MAGI2: variants seen among roughly 807,000 people sequenced by gnomAD.
MAGI2 encodes the protein membrane-associated guanylate kinase, WW and PDZ domain-containing protein 2.
In MAGI2, 35 loss-of-function variants were observed where a neutral mutation model predicts 133.3. The ratio of observed to expected loss-of-function variants is 0.26; its 90% confidence interval spans 0.20 to 0.35. The LOEUF is 0.35. Ranked by LOEUF, MAGI2 falls within the 10% of genes least tolerant of loss-of-function variation. MAGI2 has a pLI of 1.00. For missense variants in MAGI2, 1,636 were observed against 1,863.4 expected, an observed-to-expected ratio of 0.88 and a Z score of 2.25; for synonymous variants, 729 against 710.6, an observed-to-expected ratio of 1.03 and a Z score of -0.41.
At chr7:79,445,808 A>G (rs187106130) in intron 1 of MAGI2, among the ~76,000 whole-genome samples, 1 of 152,334 alleles carries the variant, frequency 6.6e-6, no homozygotes, top group East Asian at 1.9e-4. Context: ...CAGCCATCCA[A>G]TTACTGGGTA....
At chr7:78,722,356 T>A (rs1226087332) in intron 2 of MAGI2, among the ~76,000 whole-genome samples, 1 of 152,012 alleles carries the variant, frequency 6.6e-6, no homozygotes, top group African/African-American at 2.4e-5. Context: ...TAACCCATTA[T>A]TTGTCATATT....
intron 4 of MAGI2, among the ~76,000 whole-genome samples, chr7:78,520,333 G>C (rs1796390957): frequency 6.6e-6 from 1 of 151,996 alleles, no homozygotes; most frequent in Non-Finnish European, 1.5e-5. Context: ...GTTTTTCGCT[G>C]ATAAAAATAA....
At chr7:79,184,622 A>G (rs1826909684) in intron 1 of MAGI2, among the ~76,000 whole-genome samples, 3 of 151,898 alleles carry the variant, frequency 2.0e-5, no homozygotes, top group South Asian at 4.1e-4. Context: ...AACTTTGCAT[A>G]GGAGAAAAGC....
chr7:79,421,269 C>A (rs941804468), intron 1 of MAGI2, among the ~76,000 whole-genome samples: 3 of 150,200 alleles, frequency 2.0e-5, no homozygotes, highest in South Asian at 2.1e-4. Context: ...AGTTAAGTAC[C>A]CAATAAATAT....
chr7:79,391,542 TATATATATATATATATATATAC>T (rs1195050461), intron 1 of MAGI2, among the ~76,000 whole-genome samples: 3,007 of 69,018 alleles, frequency 0.044, 160 homozygotes, highest in African/African-American at 0.21. Flanking sequence ...TATATAGACA[TATATATATATATATATATATAC>T]ACACTTTACT....
chr7:79,377,962 G>C (rs564128082), intron 1 of MAGI2, among the ~76,000 whole-genome samples: 1 of 151,950 alleles, frequency 6.6e-6, no homozygotes, highest in African/African-American at 2.4e-5. Context: ...AAAAAATACA[G>C]TTCATTAAGC....
chr7:78,858,131 T>C (rs1169589888), intron 2 of MAGI2, among the ~76,000 whole-genome samples: 1 of 152,196 alleles, frequency 6.6e-6, no homozygotes, highest in Non-Finnish European at 1.5e-5. Flanking sequence ...ATCTATTTGA[T>C]TCCTCTCCAT....
intron 5 of MAGI2, among the ~76,000 whole-genome samples, chr7:78,495,995 A>G (rs1327161207): frequency 2.0e-5 from 3 of 152,200 alleles, no homozygotes; most frequent in African/African-American, 7.2e-5. Context: ...AGAATGAGAA[A>G]GTATATTTCT....
chr7:78,193,135 A>G (rs1400480018), intron 12 of MAGI2, among the ~76,000 whole-genome samples: 1 of 152,208 alleles, frequency 6.6e-6, no homozygotes, highest in Admixed American at 6.5e-5. Flanking sequence ...TGAGGGCACA[A>G]TGGTATCAGA....
At chr7:78,246,093 T>G (rs699332) in intron 10 of MAGI2, among the ~76,000 whole-genome samples, 33,318 of 152,036 alleles carry the variant, frequency 0.22, 4,683 homozygotes, top group African/African-American at 0.38. Context: ...CTGCATCTTG[T>G]CAATCAGGGC....
chr7:78,862,566 A>G (rs908593401), intron 2 of MAGI2, among the ~76,000 whole-genome samples: 5 of 152,218 alleles, frequency 3.3e-5, no homozygotes, highest in Admixed American at 2.0e-4. Context: ...CATCATTTCC[A>G]TAGCTACAGA....
At chr7:78,657,276 G>A (rs909285069) in intron 2 of MAGI2, among the ~76,000 whole-genome samples, 1 of 152,152 alleles carries the variant, frequency 6.6e-6, no homozygotes, top group Non-Finnish European at 1.5e-5. Flanking sequence ...AGTTTCTAAT[G>A]ATACTAAACG....
chr7:78,471,682 T>C (rs992068583), intron 6 of MAGI2, among the ~76,000 whole-genome samples: 12 of 152,040 alleles, frequency 7.9e-5, no homozygotes, highest in Admixed American at 2.0e-4. Context: ...TCTCAGCCAT[T>C]TGGGAGAACG....
chr7:78,389,625 C>T (rs934652685), intron 6 of MAGI2, among the ~76,000 whole-genome samples: 10 of 152,072 alleles, frequency 6.6e-5, no homozygotes, highest in African/African-American at 1.9e-4. Flanking sequence ...GATATTAATA[C>T]CTTTGTTGTG....
rs71085549 is a variant in MAGI2, at chr7:78,626,826, ATGTGTGTGTGTG to A, written c.538+282_538+293del. Reference sequence around the variant, plus strand: ...AGGAGACAAGCACAAGAATACTTCAATGTGTGTGTGTGTGTGTGTGTGTGTGTGTGTGTGTAT... The same window carrying A: ...AGGAGACAAGCACAAGAATACTTCAATGTGTGTGTGTGTGTGTGTGTGTAT... On this transcript the variant is annotated intron_variant, in intron 3 of 21. Transcript: ENST00000354212. 0.33 allele frequency among the ~76,000 whole-genome samples: 49,080 copies of A among 148,292 alleles called. 8,530 individuals carry two copies. The highest frequency in any genetic ancestry group is 0.39 in the Non-Finnish European group (26,159 of 67,130).
rs1180077115 is a variant in MAGI2, at chr7:79,028,247, A to ATG, written c.302-21042_302-21041insCA. ...TATATATATGTATGTATATATATAT[A>ATG]TATATATATATATATATATATGTAT... On this transcript the variant is annotated intron_variant, in intron 1 of 21. Transcript: ENST00000354212. 8.6e-3 allele frequency among the ~76,000 whole-genome samples: 402 copies of ATG among 46,874 alleles called. 6 individuals are homozygous for ATG. Among genetic ancestry groups the ATG allele is most frequent in the African/African-American group, 0.033 (389 of 11,870 alleles). 30.8% of individuals were successfully genotyped at this position (46,874 alleles called of 152,430 possible).
At chr7:78,286,216 C>G (rs555025860) in intron 9 of MAGI2, among the ~76,000 whole-genome samples, 7 of 152,190 alleles carry the variant, frequency 4.6e-5, no homozygotes, top group African/African-American at 1.7e-4. Context: ...TTCCCTCCCT[C>G]TCTCTATTCC....
intron 2 of MAGI2, among the ~76,000 whole-genome samples, chr7:78,650,489 A>T (rs891057129): frequency 6.6e-6 from 1 of 152,150 alleles, no homozygotes; most frequent in Non-Finnish European, 1.5e-5. Flanking sequence ...GGTCCCAAAG[A>T]ACTAAACCAG....
intron 2 of MAGI2, among the ~76,000 whole-genome samples, chr7:78,912,636 C>G (rs1160866484): frequency 6.6e-6 from 1 of 151,750 alleles, no homozygotes; most frequent in African/African-American, 2.4e-5. Flanking sequence ...TGAAACCAGA[C>G]TTTCCTTGCT....
Sources: allele counts gnomAD v4.1 joint callset (sites outside exome capture counted in the v4.1 genomes callset), GRCh38; gene constraint gnomAD v4.1.1; transcripts MANE v1.5; gene names NCBI Gene and HGNC (gene_info 2026-07-23, HGNC 2026-07-21).